NRXN1: variants seen among roughly 807,000 people sequenced by gnomAD.
The protein encoded by NRXN1 is neurexin 1, also known as neurexin-1.
In NRXN1, 39 loss-of-function variants were observed where a neutral mutation model predicts 150.9. The observed-to-expected ratio is 0.26, with a 90% CI of 0.20 to 0.34. NRXN1 has a LOEUF of 0.34. NRXN1 is among the 10% of genes least tolerant of loss of function. The probability of loss-of-function intolerance (pLI) is 1.00; values close to 1 mark genes in which losing one functional copy is unlikely to be tolerated. For synonymous variants in NRXN1, 924 were observed against 757.0 expected, an observed-to-expected ratio of 1.22 and a Z score of -3.62; for missense variants, 1,815 against 1,949.9, an observed-to-expected ratio of 0.93 and a Z score of 1.30.
At chr2:49,978,117 G>T (rs1341161549) in intron 21 of NRXN1, among the ~76,000 whole-genome samples, 2 of 152,050 alleles carry the variant, frequency 1.3e-5, no homozygotes, top group Non-Finnish European at 2.9e-5. Context: ...AGCTGAGATT[G>T]CACCACCGCA....
chr2:50,445,199 A>C (rs76557975), intron 17 of NRXN1, among the ~76,000 whole-genome samples: 2,034 of 152,260 alleles, frequency 0.013, 46 homozygotes, highest in African/African-American at 0.046. Context: ...CACATAACCA[A>C]AACAACCACT....
At chr2:50,201,526 A>C (rs2152833806) in intron 18 of NRXN1, among the ~76,000 whole-genome samples, 1 of 152,278 alleles carries the variant, frequency 6.6e-6, no homozygotes, top group African/African-American at 2.4e-5. Context: ...ACTGTTCTAA[A>C]GTTATTCATG....
intron 17 of NRXN1, among the ~76,000 whole-genome samples, chr2:50,330,221 T>C (rs1046435733): frequency 6.6e-6 from 1 of 152,118 alleles, no homozygotes; most frequent in East Asian, 1.9e-4. Context: ...CTAAAAGGAA[T>C]ATACCAAAAT....
intron 5 of NRXN1, among the ~76,000 whole-genome samples, chr2:50,802,216 G>C (rs1707692213): frequency 6.6e-6 from 1 of 152,140 alleles, no homozygotes; most frequent in Non-Finnish European, 1.5e-5. Flanking sequence ...TCTTGGCTGG[G>C]TGCAGTGGCT....
In NRXN1 at chr2:50,485,843, A is replaced by G. The variant is rs112871033; in HGVS notation, c.3070+10062T>C. On this transcript the variant is annotated intron_variant, in intron 15 of 22. Coordinates refer to ENST00000401669, the MANE Select transcript of NRXN1 (RefSeq NM_001330078.2). ...GATCTGCCAGACCAAGAGTCCCAAC[A>G]TCAGTTGATGTGCCTTGTCAAAAAG... Among the ~76,000 whole-genome samples, 30 of 152,352 alleles carry G rather than the reference A, an allele frequency of 2.0e-4. 1 individual carries two copies. The highest frequency in any genetic ancestry group is 6.3e-4 in the African/African-American group (26 of 41,582).
chr2:50,252,258 C>CTTTTTTTTTTTTTTTTTTTTTTTTTT (rs143522284), intron 17 of NRXN1, among the ~76,000 whole-genome samples: 48 of 69,710 alleles, frequency 6.9e-4, no homozygotes, highest in East Asian at 8.7e-4. Flanking sequence ...TTTTTCTTTT[C>CTTTTTTTTTTTTTTTTTTTTTTTTTT]TTTTTTTTTT....
chr2:50,974,697 A>C (rs1695552563), intron 2 of NRXN1, among the ~76,000 whole-genome samples: 1 of 152,068 alleles, frequency 6.6e-6, no homozygotes, highest in East Asian at 1.9e-4. Flanking sequence ...TCCCATCTAA[A>C]ATCTAATCTT....
Position 50,441,194 on chromosome 2 carries a change from T to C in NRXN1, c.3364+24248A>G, listed in dbSNP as rs113990463. 1.2e-4 allele frequency among the ~76,000 whole-genome samples: 18 copies of C among 152,288 alleles called. 1 individual carries two copies. The highest frequency in any genetic ancestry group is 4.1e-4 in the African/African-American group (17 of 41,574). ...ATTTAAGAAATGTTAATCCCCGTGA[T>C]TCAAAGTAGATATTTTATCTTAAAT... On this transcript the variant is annotated intron_variant, in intron 17 of 22. Coordinates refer to ENST00000401669, the MANE Select transcript of NRXN1 (RefSeq NM_001330078.2).
chr2:50,854,451 G>T (rs1196395992), intron 5 of NRXN1, among the ~76,000 whole-genome samples: 4 of 152,040 alleles, frequency 2.6e-5, no homozygotes. Flanking sequence ...ATCTAGCTTT[G>T]CACTGCAGTA....
intron 5 of NRXN1, among the ~76,000 whole-genome samples, chr2:50,791,707 C>T (rs1175806276): frequency 6.6e-6 from 1 of 152,108 alleles, no homozygotes; most frequent in African/African-American, 2.4e-5. Context: ...AATTATACTC[C>T]CTGGCTGTGG....
rs764073226 is a variant in NRXN1 at position 50,019,641 on chromosome 2, C to CAAA, written c.4128+33627_4128+33629dup. On this transcript the variant is annotated intron_variant, in intron 21 of 22. Transcript: ENST00000401669. ...TGTAAGAAGGAGCAAGATTCCGTCT[C>CAAA]AAAAAAAAAAAAAAAAAAAAGGAGG... Among the ~76,000 whole-genome samples the CAAA allele has an allele frequency of 6.9e-3, 175 of 25,546 alleles. 17 individuals are homozygous for CAAA. The highest frequency in any genetic ancestry group is 0.029 in the African/African-American group (147 of 5,100). The allele number at this position is 25,546 out of a possible 152,430, so 16.8% of individuals were successfully genotyped here.
chr2:50,004,968 CT>C (rs5831068), intron 21 of NRXN1, among the ~76,000 whole-genome samples: 71,710 of 151,964 alleles, frequency 0.47, 17,491 homozygotes, highest in Middle Eastern at 0.62. Context: ...GATTGTTTAA[CT>C]TGTGGCATCA....
intron 17 of NRXN1, among the ~76,000 whole-genome samples, chr2:50,290,868 G>C (rs934043932): frequency 6.6e-6 from 1 of 152,174 alleles, no homozygotes; most frequent in South Asian, 2.1e-4. Flanking sequence ...GTGGCTGACA[G>C]TCTGACTGAA....
intron 5 of NRXN1, among the ~76,000 whole-genome samples, chr2:50,677,467 A>G (rs1689716548): frequency 1.3e-5 from 2 of 152,134 alleles, no homozygotes; most frequent in Non-Finnish European, 2.9e-5. Context: ...TGCCAACTAG[A>G]GGGATATTTT....
intron 21 of NRXN1, among the ~76,000 whole-genome samples, chr2:50,037,197 T>C (rs1390768406): frequency 6.6e-6 from 1 of 152,186 alleles, no homozygotes; most frequent in Non-Finnish European, 1.5e-5. Flanking sequence ...AAACATTTTA[T>C]ATATGGTTAG....
intron 15 of NRXN1, among the ~76,000 whole-genome samples, chr2:50,495,354 G>C (rs1267960039): frequency 4.1e-5 from 1 of 24,426 alleles, no homozygotes; most frequent in Admixed American, 2.8e-4. Context: ...CCGTGTGTGT[G>C]TGTGTGTGTG....
chr2:50,246,825 C>A (rs888726853), intron 17 of NRXN1, among the ~76,000 whole-genome samples: 1 of 151,992 alleles, frequency 6.6e-6, no homozygotes, highest in African/African-American at 2.4e-5. Context: ...AATTTTTGAA[C>A]TATTATAATA....
At chr2:49,976,529 G>C (rs1386394279) in intron 21 of NRXN1, among the ~76,000 whole-genome samples, 5 of 152,098 alleles carry the variant, frequency 3.3e-5, no homozygotes, top group Non-Finnish European at 7.4e-5. Flanking sequence ...GTTCATGTAG[G>C]TTTAGAAGAG....
intron 17 of NRXN1, among the ~76,000 whole-genome samples, chr2:50,434,448 A>T (rs530570958): frequency 6.6e-6 from 1 of 152,236 alleles, no homozygotes; most frequent in Admixed American, 6.5e-5. Flanking sequence ...GAAACAAATG[A>T]ATAAACTACC....
Sources: gnomAD v4.1 joint callset for allele counts (sites outside exome capture counted in the v4.1 genomes callset) on GRCh38, gnomAD v4.1.1 for gene constraint, MANE v1.5 for transcripts, NCBI Gene and HGNC (gene_info 2026-07-23, HGNC 2026-07-21) for gene names.